Variants in CKMT1B observed in about 807,000 individuals in gnomAD.
The protein encoded by CKMT1B is creatine kinase, mitochondrial 1B.
CKMT1B carries 13 observed loss-of-function variants against 21.8 expected under a neutral mutation model. The observed-to-expected ratio is 0.60, with a 90% CI of 0.39 to 0.95. The LOEUF is 0.95. Ranked by LOEUF, CKMT1B falls within the 40% of genes least tolerant of loss-of-function variation. The pLI is 0.00. For missense variants in CKMT1B, 157 were observed against 227.5 expected (o/e 0.69, Z 1.99); for synonymous variants, 50 against 80.3 (o/e 0.62, Z 2.02).
In CKMT1B at chr15:43,599,246, C is replaced by G; in HGVS notation, c.1227C>G (p.Pro409=). ...AGAGAGGCCAGGATATCCGCATCCC[C>G]ACACCTGTCATCCACACCAAGCATT... The part of the protein sequence containing the change: ...RLERGQDIRI[P]TPVIHTKH The change falls in exon 9 of 9, where the codon CCC becomes CCG. Residue 409 remains proline (P), a synonymous_variant. Transcript: ENST00000441322. 6.2e-7 allele frequency: 1 copy of G among 1,613,608 alleles called. No individual in the cohort carries two copies. Among genetic ancestry groups the G allele is most frequent in the African/African-American group, 1.3e-5 (1 of 74,888 alleles).
Position 43,599,294 on chromosome 15 carries a change from ACT to A in CKMT1B, c.*23_*24del. The A allele has an allele frequency of 6.2e-7, 1 of 1,613,514 alleles. No individual in the cohort carries two copies. Among genetic ancestry groups the A allele is most frequent in the African/African-American group, 1.3e-5 (1 of 74,852 alleles). ...ATTAACTCCCCATCGCCAGCTGATGACTCAAGATTCCCAGGAGTTCTGCTCAT... is the reference window on the plus strand; with the variant it reads ...ATTAACTCCCCATCGCCAGCTGATGACAAGATTCCCAGGAGTTCTGCTCAT... On this transcript the variant is annotated 3_prime_UTR_variant, in exon 9 of 9. Coordinates refer to ENST00000441322, the MANE Select transcript of CKMT1B (RefSeq NM_001375484.1).
In CKMT1B at chr15:43,597,666, C is replaced by G. The variant is rs183438908; in HGVS notation, c.877-527C>G. 3.7e-5 allele frequency: 35 copies of G among 937,526 alleles called. No individual in the cohort carries two copies. In the Admixed American group the frequency reaches 1.5e-3, roughly 40 times the overall value. The allele number at this position is 937,526 out of a possible 1,614,324, so 58.1% of individuals were successfully genotyped here. On this transcript the variant is annotated intron_variant, in intron 6 of 8. Coordinates refer to ENST00000441322, the MANE Select transcript of CKMT1B (RefSeq NM_001375484.1). ...TAAGTGAAGCCAAACGCCTTCCCCC[C>G]GCCCCCTATTCCTATGAATCTGGCT...
At chr15:43,597,474 AAG>A in intron 6 of CKMT1B, 1 of 1,252,592 alleles carries the variant, frequency 8.0e-7, no homozygotes, top group Non-Finnish European at 1.0e-6. Flanking sequence ...TTCTGGATGG[AAG>A]AGTTTCCCCC....
intron 6 of CKMT1B, chr15:43,597,582 T>C: frequency 1.0e-6 from 1 of 1,004,876 alleles, no homozygotes; most frequent in Non-Finnish European, 1.3e-6. Context: ...TTTGTGACCA[T>C]CATTCTGCTA....
intron 6 of CKMT1B, chr15:43,597,671 C>G: frequency 1.0e-6 from 1 of 967,646 alleles, no homozygotes; most frequent in Non-Finnish European, 1.3e-6. Context: ...CCCCCCGCCC[C>G]CTATTCCTAT....
At position 43,596,545 on chromosome 15, in the gene CKMT1B, A is replaced by C. The variant is rs376120318; in HGVS notation, c.876+14A>C. The C allele has an allele frequency of 3.4e-5, 55 of 1,606,724 alleles. 1 individual carries two copies. The South Asian group carries it at 4.2e-4, about 12-fold the overall frequency. ...GGCCTCAAAGAGGTTAGAGAAGACT[A>C]TGTAGGGGAGCTAGGTGGGAGGACA... On this transcript the variant is annotated intron_variant, in intron 6 of 8. Coordinates refer to ENST00000441322, the MANE Select transcript of CKMT1B (RefSeq NM_001375484.1).
Position 43,599,375 on chromosome 15 carries a change from C to G in CKMT1B, c.*102C>G. 6.3e-7 allele frequency: 1 copy of G among 1,584,820 alleles called. No homozygotes were observed. Among genetic ancestry groups the G allele is most frequent in the Admixed American group, 1.7e-5 (1 of 58,908 alleles). On this transcript the variant is annotated 3_prime_UTR_variant, in exon 9 of 9. Transcript: ENST00000441322. ...GGACCTGCCCCCGCATCCCCTGCCTCCATCCTAGTAAAGACTCCTTGCTAT... is the reference window on the plus strand; with the variant it reads ...GGACCTGCCCCCGCATCCCCTGCCTGCATCCTAGTAAAGACTCCTTGCTAT...
At chr15:43,599,036 A>C in intron 8 of CKMT1B, 84 bp downstream of exon 8, 2 of 1,595,738 alleles carry the variant, frequency 1.3e-6, no homozygotes, top group East Asian at 4.5e-5. Context: ...CCGGGATGTA[A>C]GATAATCTGA....
intron 4 of CKMT1B, 43 bp downstream of exon 4, chr15:43,596,120 G>A (rs2085563693): frequency 3.1e-6 from 1 of 325,396 alleles, no homozygotes. Context: ...AGCAGATGGG[G>A]AAGGCTGGGC....
chr15:43,597,557 T>G, intron 6 of CKMT1B: 28 of 1,104,266 alleles, frequency 2.5e-5, no homozygotes, highest in Non-Finnish European at 3.2e-5. Flanking sequence ...CCTTTACTCA[T>G]GTTGGGTTGT....
intron 7 of CKMT1B, 118 bp from the exon 8 acceptor site, chr15:43,598,709 A>G: frequency 7.1e-7 from 1 of 1,406,578 alleles, no homozygotes; most frequent in East Asian, 2.5e-5. Flanking sequence ...AAAAAGAAAA[A>G]AGAAAAAAGG....
rs776131004 is a variant in CKMT1B at position 43,598,794 on chromosome 15, T to C, written c.1012-33T>C. ...AGGTAGGACTAGTCTCTGCCTCTAT[T>C]GACCCTGCTCCCAATCCCTATCTCC... On this transcript the variant is annotated intron_variant, in intron 7 of 8. Transcript: ENST00000441322. 19 of 1,586,232 alleles carry C rather than the reference T, an allele frequency of 1.2e-5. No individual in the cohort carries two copies. In the Admixed American group the frequency reaches 1.2e-4, roughly 10 times the overall value.
chr15:43,596,523 C>T lies in CKMT1B; in HGVS notation c.868C>T (p.Leu290Phe), dbSNP rs2085570695. The T allele has an allele frequency of 1.2e-6, 2 of 1,607,206 alleles. 1 individual carries two copies. The highest frequency in any genetic ancestry group is 2.8e-5 in the African/African-American group (2 of 71,354). ...AGTGTTTGAAAGATTCTGCCGAGGC[C>T]TCAAAGAGGTTAGAGAAGACTATGT... is the stretch of plus-strand genomic sequence containing the variant. ...KRVFERFCRG[L>F]KEVERLIQER... Residue 290 changes from leucine to phenylalanine, a missense_variant, in exon 6 of 9, where the codon CTC (leucine) becomes TTC (phenylalanine). Transcript: ENST00000441322.
chr15:43,598,989 G>A (rs1485009235), intron 8 of CKMT1B, 37 bp downstream of exon 8: 1 of 1,608,426 alleles, frequency 6.2e-7, no homozygotes, highest in African/African-American at 1.4e-5. Context: ...GAGAGGTATA[G>A]GTCTGCGAGG....
chr15:43,599,099 T>C lies in CKMT1B; in HGVS notation c.1138-58T>C, dbSNP rs912582415. Reference sequence around the variant, plus strand: ...AATTGGAAATGAGCAGGCAAGTCAGTCAGTGATAAAGAAAAACTCAGACTG... The same window carrying C: ...AATTGGAAATGAGCAGGCAAGTCAGCCAGTGATAAAGAAAAACTCAGACTG... On this transcript the variant is annotated intron_variant, in intron 8 of 8. Coordinates refer to ENST00000441322, the MANE Select transcript of CKMT1B (RefSeq NM_001375484.1). 1.3e-5 allele frequency: 21 copies of C among 1,604,856 alleles called. 1 individual carries two copies. Among genetic ancestry groups the C allele is most frequent in the East Asian group, 2.2e-5 (1 of 44,744 alleles).
At chr15:43,598,524 C>G (rs1008049404) in intron 7 of CKMT1B, among the ~76,000 whole-genome samples, 197 bp downstream of exon 7, 5 of 148,550 alleles carry the variant, frequency 3.4e-5, no homozygotes, top group Non-Finnish European at 7.4e-5. Context: ...CCCAGGAGTT[C>G]AAGACCAGCC....
In CKMT1B at chr15:43,599,304, C is replaced by G; in HGVS notation, c.*31C>G. ...CATCGCCAGCTGATGACTCAAGATT[C>G]CCAGGAGTTCTGCTCATTCTAATGA... On this transcript the variant is annotated 3_prime_UTR_variant, in exon 9 of 9. Coordinates refer to ENST00000441322, the MANE Select transcript of CKMT1B (RefSeq NM_001375484.1). The G allele has an allele frequency of 6.2e-7, 1 of 1,613,558 alleles. No homozygotes were observed. The highest frequency in any genetic ancestry group is 8.5e-7 in the Non-Finnish European group (1 of 1,179,768).
At chr15:43,598,711 GA>G (rs1480910562) in intron 7 of CKMT1B, 115 bp from the exon 8 acceptor site, 2 of 1,410,222 alleles carry the variant, frequency 1.4e-6, no homozygotes, top group Non-Finnish European at 1.9e-6. Context: ...AAAGAAAAAA[GA>G]AAAAAGGAAA....
At chr15:43,597,583 C>T in intron 6 of CKMT1B, 1 of 1,000,968 alleles carries the variant, frequency 1.0e-6, no homozygotes, top group Non-Finnish European at 1.3e-6. Context: ...TTGTGACCAT[C>T]ATTCTGCTAG....
Sources: allele counts gnomAD v4.1 joint callset (sites outside exome capture counted in the v4.1 genomes callset), GRCh38; gene constraint gnomAD v4.1.1; transcripts MANE v1.5; gene names NCBI Gene and HGNC (gene_info 2026-07-23, HGNC 2026-07-21).